Variants in CCDC171 observed in about 807,000 individuals in gnomAD.
CCDC171 encodes the protein coiled-coil domain containing 171.
Under a neutral mutation model 168.2 loss-of-function variants are expected in CCDC171, and 177 were observed. The observed-to-expected ratio is 1.05, with a 90% CI of 0.93 to 1.19. The LOEUF (loss-of-function observed/expected upper bound fraction) is 1.19. Ranked by LOEUF, CCDC171 falls within the 50% of genes most tolerant of loss-of-function variation. The pLI, the probability that CCDC171 is intolerant of heterozygous loss-of-function variation, is 0.00. For synonymous variants in CCDC171, 687 were observed against 540.8 expected (o/e 1.27, Z -3.75); for missense variants, 1,991 against 1,539.0 (o/e 1.29, Z -4.91).
intron 6 of CCDC171, among the ~76,000 whole-genome samples, chr9:16,032,381 C>T (rs1374920890): frequency 6.6e-6 from 1 of 152,130 alleles, no homozygotes; most frequent in Non-Finnish European, 1.5e-5. Context: ...TGATGTGGAA[C>T]ATAAGAGAGC....
the CCDC171 span, among the ~76,000 whole-genome samples, chr9:16,093,034 T>C: frequency 6.6e-6 from 1 of 152,154 alleles, no homozygotes; most frequent in Non-Finnish European, 1.5e-5. Context: ...CAAAACGTGG[T>C]CTGCTTTCCA....
intron 25 of CCDC171, among the ~76,000 whole-genome samples, chr9:15,963,359 A>G (rs1032314331): frequency 2.0e-5 from 3 of 152,224 alleles, no homozygotes; most frequent in East Asian, 1.9e-4. Flanking sequence ...AAGTTAAAAA[A>G]AAAAAGTTTT....
chr9:15,587,934 T>C (rs1452475005), intron 4 of CCDC171, among the ~76,000 whole-genome samples: 2 of 152,168 alleles, frequency 1.3e-5, no homozygotes, highest in Non-Finnish European at 2.9e-5. Flanking sequence ...AGATGAAATC[T>C]ATTAGAAATT....
At position 15,558,050 on chromosome 9, in the gene CCDC171, G is replaced by C. The variant is rs189996335; in HGVS notation, c.-112+4748G>C. On this transcript the variant is annotated intron_variant, in intron 1 of 25. Transcript: ENST00000380701. ...TGTGATGGATTACGTTTATTGATTT[G>C]CGTATGTTGAACCAGCCTTCCATCC... 2.6e-5 allele frequency among the ~76,000 whole-genome samples: 4 copies of C among 152,206 alleles called. No individual in the cohort carries two copies. The East Asian group carries it at 5.8e-4, about 22-fold the overall frequency.
At chr9:15,874,838 C>G (rs909014270) in intron 24 of CCDC171, 175 bp downstream of exon 24, 9 of 559,642 alleles carry the variant, frequency 1.6e-5, no homozygotes. Context: ...TTGTTTTTTT[C>G]TTTAAAGCCT....
At chr9:15,729,182 T>C (rs1269554805) in intron 15 of CCDC171, among the ~76,000 whole-genome samples, 3 of 152,170 alleles carry the variant, frequency 2.0e-5, no homozygotes. Flanking sequence ...CTTTCCAGAG[T>C]TTGAATGTGA....
chr9:15,917,409 A>G (rs997495957), intron 24 of CCDC171, among the ~76,000 whole-genome samples: 7 of 151,788 alleles, frequency 4.6e-5, no homozygotes, highest in African/African-American at 1.7e-4. Context: ...TTTGTCTCTC[A>G]AAATACTACT....
chr9:15,761,720 C>T (rs1374866818), intron 18 of CCDC171, among the ~76,000 whole-genome samples: 1 of 152,152 alleles, frequency 6.6e-6, no homozygotes, highest in Non-Finnish European at 1.5e-5. Context: ...CACAATCTGA[C>T]TGAGTATCGT....
chr9:15,577,638 A>T (rs1223490053), intron 3 of CCDC171, among the ~76,000 whole-genome samples: 1 of 152,252 alleles, frequency 6.6e-6, no homozygotes, highest in Non-Finnish European at 1.5e-5. Flanking sequence ...AAACCATTCT[A>T]AGTCTTAAAA....
At chr9:15,686,780 T>C (rs1259056714) in intron 10 of CCDC171, among the ~76,000 whole-genome samples, 1 of 152,142 alleles carries the variant, frequency 6.6e-6, no homozygotes, top group East Asian at 1.9e-4. Flanking sequence ...CCTGACATAA[T>C]TGAAGGGAGA....
At chr9:15,560,021 G>A (rs1586953493) in intron 1 of CCDC171, among the ~76,000 whole-genome samples, 1 of 152,244 alleles carries the variant, frequency 6.6e-6, no homozygotes, top group African/African-American at 2.4e-5. Context: ...GAAATTCTGG[G>A]TTGAAAATTC....
At chr9:15,895,512 C>G (rs1471434099) in intron 24 of CCDC171, among the ~76,000 whole-genome samples, 2 of 152,062 alleles carry the variant, frequency 1.3e-5, no homozygotes. Context: ...CAAATATTCA[C>G]CTATATACTC....
intron 11 of CCDC171, among the ~76,000 whole-genome samples, chr9:15,716,107 C>T (rs900065025): frequency 6.6e-6 from 1 of 152,192 alleles, no homozygotes; most frequent in Non-Finnish European, 1.5e-5. Context: ...CTCCTTCCCC[C>T]TTGTCCCTGG....
chr9:15,610,599 G>T (rs532953790), intron 6 of CCDC171, among the ~76,000 whole-genome samples: 1 of 151,002 alleles, frequency 6.6e-6, no homozygotes, highest in South Asian at 2.1e-4. Context: ...TTACACTCCA[G>T]CCTGGGTGAC....
intron 7 of CCDC171, among the ~76,000 whole-genome samples, chr9:15,640,722 G>T (rs1161287263): frequency 6.6e-6 from 1 of 151,996 alleles, no homozygotes; most frequent in Non-Finnish European, 1.5e-5. Flanking sequence ...AATAGTAAAG[G>T]GCTTATAGAC....
At chr9:15,591,754 A>G (rs1187304381) in intron 5 of CCDC171, among the ~76,000 whole-genome samples, 198 bp downstream of exon 5, 1 of 151,710 alleles carries the variant, frequency 6.6e-6, no homozygotes, top group Non-Finnish European at 1.5e-5. Flanking sequence ...TTGGGGTGAA[A>G]AACGGTTTGC....
chr9:15,608,972 A>AAAAAAAG (rs2043439483), intron 6 of CCDC171, among the ~76,000 whole-genome samples: 6 of 146,350 alleles, frequency 4.1e-5, no homozygotes, highest in East Asian at 2.0e-4. Flanking sequence ...AAAAAAAAAA[A>AAAAAAAG]GAGTGGTTTT....
intron 16 of CCDC171, among the ~76,000 whole-genome samples, chr9:15,741,334 T>C (rs960672142): frequency 1.3e-5 from 2 of 152,216 alleles, no homozygotes; most frequent in African/African-American, 4.8e-5. Flanking sequence ...ATGTGTTTTC[T>C]GTGTCTATAA....
At chr9:15,947,057 G>T (rs924175654) in intron 25 of CCDC171, among the ~76,000 whole-genome samples, 2 of 151,918 alleles carry the variant, frequency 1.3e-5, no homozygotes, top group Non-Finnish European at 2.9e-5. Flanking sequence ...TAAAAAACAT[G>T]ATTCTAACAA....
Sources: allele counts gnomAD v4.1 joint callset (sites outside exome capture counted in the v4.1 genomes callset), GRCh38; gene constraint gnomAD v4.1.1; transcripts MANE v1.5; gene names NCBI Gene and HGNC (gene_info 2026-07-23, HGNC 2026-07-21).